CNTN3: variants seen among roughly 807,000 people sequenced by gnomAD.
CNTN3 encodes contactin 3, also known as contactin-3.
In CNTN3, 60 loss-of-function variants were observed where a neutral mutation model predicts 119.1. The observed-to-expected ratio is 0.50, with a 90% confidence interval of 0.41 to 0.62. CNTN3 has a LOEUF of 0.62. Among genes scored for constraint, CNTN3 ranks in the 20% least tolerant of loss-of-function variants. The pLI is 0.00. For synonymous variants in CNTN3, 450 were observed against 438.7 expected (o/e 1.03, Z -0.32); for missense variants, 1,101 against 1,242.4 (o/e 0.89, Z 1.71).
At chr3:74,371,110 T>A in intron 6 of CNTN3, 86 bp downstream of exon 6, 1 of 900,776 alleles carries the variant, frequency 1.1e-6, no homozygotes, top group Non-Finnish European at 1.8e-6. Flanking sequence ...TTCTTCTAGA[T>A]GTACTTTTTA....
At chr3:74,584,254 C>G (rs548959410) in intron 1 of CNTN3, among the ~76,000 whole-genome samples, 1 of 152,108 alleles carries the variant, frequency 6.6e-6, no homozygotes, top group East Asian at 1.9e-4. Context: ...ATCTTTGATA[C>G]CTTACATAGT....
At chr3:74,441,165 G>T (rs1458654788) in intron 4 of CNTN3, among the ~76,000 whole-genome samples, 3 of 151,878 alleles carry the variant, frequency 2.0e-5, no homozygotes, top group Non-Finnish European at 4.4e-5. Flanking sequence ...TCATGACATA[G>T]GCCTTTAAAA....
At chr3:74,612,331 G>C (rs986598322) in intron 1 of CNTN3, among the ~76,000 whole-genome samples, 2 of 152,164 alleles carry the variant, frequency 1.3e-5, no homozygotes, top group Non-Finnish European at 2.9e-5. Flanking sequence ...TGTTGTCCAC[G>C]GCTAATCTTC....
intron 5 of CNTN3, among the ~76,000 whole-genome samples, chr3:74,402,503 G>A (rs1229694620): frequency 1.3e-5 from 2 of 152,024 alleles, no homozygotes; most frequent in East Asian, 1.9e-4. Context: ...TGTAACACAT[G>A]ACCTTGAATA....
intron 4 of CNTN3, among the ~76,000 whole-genome samples, chr3:74,467,000 A>G (rs1702473188): frequency 6.6e-6 from 1 of 152,160 alleles, no homozygotes; most frequent in South Asian, 2.1e-4. Flanking sequence ...AAATAACCAA[A>G]GTGATGATAT....
At chr3:74,380,967 T>C (rs1416744564) in intron 5 of CNTN3, among the ~76,000 whole-genome samples, 1 of 152,152 alleles carries the variant, frequency 6.6e-6, no homozygotes, top group Non-Finnish European at 1.5e-5. Flanking sequence ...AATGAGGTCA[T>C]TAGCAGAAGA....
chr3:74,330,865 GA>G (rs1268387263), intron 13 of CNTN3, among the ~76,000 whole-genome samples: 1 of 151,724 alleles, frequency 6.6e-6, no homozygotes, highest in South Asian at 2.1e-4. Flanking sequence ...ATTAAAAACA[GA>G]AAAAAAGCTT....
intron 5 of CNTN3, 128 bp from the exon 6 acceptor site, chr3:74,371,527 T>C (rs1000301204): frequency 1.5e-6 from 1 of 658,174 alleles, no homozygotes; most frequent in Non-Finnish European, 2.6e-6. Flanking sequence ...TTGCAGGCCA[T>C]GAAGAGAAGC....
At chr3:74,589,658 G>A (rs1157090900) in intron 1 of CNTN3, among the ~76,000 whole-genome samples, 1 of 146,646 alleles carries the variant, frequency 6.8e-6, no homozygotes, top group East Asian at 2.0e-4. Flanking sequence ...ACATGCACAC[G>A]TATGTTTATT....
chr3:74,414,751 A>T (rs1191566631), intron 5 of CNTN3, among the ~76,000 whole-genome samples: 1 of 152,158 alleles, frequency 6.6e-6, no homozygotes, highest in African/African-American at 2.4e-5. Flanking sequence ...TAACAGCAGC[A>T]TGTGTAATAT....
chr3:74,451,266 G>C (rs1378565401), intron 4 of CNTN3, among the ~76,000 whole-genome samples: 1 of 152,178 alleles, frequency 6.6e-6, no homozygotes, highest in African/African-American at 2.4e-5. Context: ...GATGGCCAGT[G>C]ATGGTGAGCA....
At chr3:74,286,686 G>A (rs935755110) in intron 19 of CNTN3, among the ~76,000 whole-genome samples, 2 of 152,138 alleles carry the variant, frequency 1.3e-5, no homozygotes, top group African/African-American at 4.8e-5. Context: ...CTGAAGAAAC[G>A]CAGCAATTTT....
At chr3:74,322,440 G>A (rs575430000) in intron 13 of CNTN3, among the ~76,000 whole-genome samples, 28 of 152,124 alleles carry the variant, frequency 1.8e-4, no homozygotes, top group Admixed American at 7.2e-4. Context: ...AAATTAAAAC[G>A]AGATACCACT....
At chr3:74,489,888 C>T (rs546821102) in intron 3 of CNTN3, among the ~76,000 whole-genome samples, 1 of 152,102 alleles carries the variant, frequency 6.6e-6, no homozygotes, top group Non-Finnish European at 1.5e-5. Flanking sequence ...TCAGTGCTTC[C>T]ACAGGGAAGG....
chr3:74,355,762 T>C, intron 11 of CNTN3, among the ~76,000 whole-genome samples: 1 of 152,130 alleles, frequency 6.6e-6, no homozygotes, highest in African/African-American at 2.4e-5. Context: ...GCTGGTCCTC[T>C]TTTTTAAACA....
intron 4 of CNTN3, among the ~76,000 whole-genome samples, chr3:74,445,925 G>A (rs1002658079): frequency 6.6e-6 from 1 of 152,104 alleles, no homozygotes. Context: ...AACTCAAGAG[G>A]GTATCATTCA....
rs183524409 is a variant in CNTN3 at position 74,303,273 on chromosome 3, T to G, written c.1669-466A>C. Among the ~76,000 whole-genome samples the G allele has an allele frequency of 3.2e-4, 48 of 152,278 alleles. No individual in the cohort carries two copies. The East Asian group carries it at 6.7e-3, about 21-fold the overall frequency. On this transcript the variant is annotated intron_variant, in intron 13 of 22. Coordinates refer to ENST00000263665, the MANE Select transcript of CNTN3 (RefSeq NM_020872.3). ...AAGCGGATTACCATGGTTGAAACACTTTTCTGAACACACTGGAGCTTAAAA... is the reference window on the plus strand; with the variant it reads ...AAGCGGATTACCATGGTTGAAACACGTTTCTGAACACACTGGAGCTTAAAA...
chr3:74,410,635 T>C (rs535138507), intron 5 of CNTN3, among the ~76,000 whole-genome samples: 11 of 152,272 alleles, frequency 7.2e-5, no homozygotes, highest in African/African-American at 2.6e-4. Flanking sequence ...ATAGGCCTTC[T>C]TAAGAGATTT....
intron 1 of CNTN3, among the ~76,000 whole-genome samples, chr3:74,558,811 A>C (rs747575933): frequency 6.6e-6 from 1 of 151,950 alleles, no homozygotes; most frequent in East Asian, 1.9e-4. Context: ...GTAAAACCCT[A>C]TCTCTACTAA....
Sources: allele counts gnomAD v4.1 joint callset (sites outside exome capture counted in the v4.1 genomes callset), GRCh38; gene constraint gnomAD v4.1.1; transcripts MANE v1.5; gene names NCBI Gene and HGNC (gene_info 2026-07-23, HGNC 2026-07-21).